Variants in ATP11C observed in about 807,000 individuals in gnomAD.
ATP11C encodes phospholipid-transporting ATPase IG.
Under a neutral mutation model 97.4 loss-of-function variants are expected in ATP11C, and 36 were observed. That is an observed-to-expected ratio of 0.37 (90% CI 0.28 to 0.49). ATP11C has a LOEUF of 0.49. ATP11C is among the 20% of genes least tolerant of loss of function. The pLI is 0.98. For missense variants in ATP11C, 730 were observed against 824.6 expected, an observed-to-expected ratio of 0.89 and a Z score of 1.40; for synonymous variants, 275 against 290.9, an observed-to-expected ratio of 0.95 and a Z score of 0.56.
At chrX:139,744,990 C>T (rs2081649287) in intron 25 of ATP11C, among the ~76,000 whole-genome samples, 1 of 110,591 alleles carries the variant, frequency 9.0e-6, no homozygotes, top group Admixed American at 9.6e-5. Flanking sequence ...CCTTAGCTTT[C>T]CTTCACATTA....
rs768123444 is a variant in ATP11C, at chrX:139,826,762, G to A, written c.89C>T (p.Ser30Leu). ...TTGTGCAATGTAAGCTTCTGTTTCC[G>A]AAACTGGATGATTGCCAACAAACAC... is the stretch of plus-strand genomic sequence containing the variant. Reference protein sequence around the residue: ...RTVFVGNHPVSETEAYIAQRF... With the variant: ...RTVFVGNHPVLETEAYIAQRF... The change falls in exon 2 of 30, where the codon TCG (serine) becomes TTG (leucine). Residue 30 changes from serine to leucine, a missense_variant. Ser to Leu is a moderately radical substitution (Grantham distance 145, BLOSUM62 -2). Transcript: ENST00000682941. The A allele has an allele frequency of 5.2e-5, 63 of 1,204,955 alleles. No homozygotes were observed. The highest frequency in any genetic ancestry group is 8.9e-5 in the East Asian group (3 of 33,610).
At chrX:139,926,047 G>A (rs2085346583) in intron 1 of ATP11C, among the ~76,000 whole-genome samples, 2 of 111,973 alleles carry the variant, frequency 1.8e-5, no homozygotes, top group Non-Finnish European at 3.8e-5. Flanking sequence ...CTGCAGCAGT[G>A]TTAACATATG....
intron 5 of ATP11C, among the ~76,000 whole-genome samples, chrX:139,806,141 C>T (rs1603378375): frequency 9.0e-6 from 1 of 111,362 alleles, no homozygotes; most frequent in Admixed American, 9.6e-5. Context: ...AATATAAAGG[C>T]CCCTATATCT....
intron 1 of ATP11C, among the ~76,000 whole-genome samples, chrX:139,906,566 G>A (rs142454677): frequency 0.026 from 2,882 of 110,254 alleles, 39 homozygotes; most frequent in Non-Finnish European, 0.034. Context: ...GGTAGATCAC[G>A]AGGTCAGGAG....
intron 1 of ATP11C, among the ~76,000 whole-genome samples, chrX:139,921,521 A>G (rs1344549717): frequency 8.9e-6 from 1 of 111,925 alleles, no homozygotes; most frequent in Non-Finnish European, 1.9e-5. Context: ...TAAATTACCC[A>G]ATCTCAGGCA....
rs201171038 is a variant in ATP11C, at chrX:139,731,716, C to T, written c.3328G>A (p.Ala1110Thr). Residue 1110 changes from alanine to threonine, a missense_variant, in exon 29 of 30, where the codon GCC becomes ACC. By Grantham distance (58) the Ala-to-Thr change is moderately conservative. Transcript: ENST00000682941. ...SCRRASDSLSARPSVRPLLLR... is the reference protein window; with the variant it reads ...SCRRASDSLSTRPSVRPLLLR... Reference sequence around the variant, plus strand: ...AGAAGAGGTCTGACTGAAGGTCTGGCGGATAATGAGTCAGATGCCCTTCTA... The same window carrying T: ...AGAAGAGGTCTGACTGAAGGTCTGGTGGATAATGAGTCAGATGCCCTTCTA... 7.5e-6 allele frequency: 9 copies of T among 1,193,175 alleles called. No homozygotes were observed. The highest frequency in any genetic ancestry group is 6.6e-5 in the Admixed American group (3 of 45,266).
chrX:139,853,400 A>AAG (rs893321932), intron 1 of ATP11C, among the ~76,000 whole-genome samples: 4 of 109,675 alleles, frequency 3.6e-5, no homozygotes, highest in Non-Finnish European at 5.7e-5. Context: ...AGAAGAGGCA[A>AAG]AGAGAGAGAG....
chrX:139,747,134 A>C (rs1419131529), intron 24 of ATP11C, among the ~76,000 whole-genome samples: 1 of 111,427 alleles, frequency 9.0e-6, no homozygotes, highest in Non-Finnish European at 1.9e-5. Context: ...TATAGCCAGT[A>C]AGTCATGTTT....
chrX:139,742,128 T>A (rs1395638272), intron 26 of ATP11C, among the ~76,000 whole-genome samples: 3 of 111,670 alleles, frequency 2.7e-5, no homozygotes, highest in African/African-American at 6.5e-5. Flanking sequence ...GGAAGCCCTG[T>A]GGCTATATGC....
Position 139,761,989 on chromosome X carries a change from G to A in ATP11C, c.2612C>T (p.Ala871Val). Residue 871 changes from alanine to valine, a missense_variant, in exon 22 of 30, where the codon GCA (alanine) becomes GTA (valine). Ala to Val is a moderately conservative substitution (Grantham distance 64). Coordinates refer to ENST00000682941, the MANE Select transcript of ATP11C (RefSeq NM_001353812.2). ...ATAGAAGAAGTACTGTACAAGGTGT[G>A]CTATTCTCACATAATATAGATGTCC... ...AHGHLYYVRI[A>V]HLVQYFFYKN... 1 of 1,198,664 alleles carries A rather than the reference G, an allele frequency of 8.3e-7. No individual in the cohort carries two copies. Among genetic ancestry groups the A allele is most frequent in the East Asian group, 3.0e-5 (1 of 33,750 alleles).
intron 1 of ATP11C, among the ~76,000 whole-genome samples, chrX:139,925,965 T>C (rs2085345342): frequency 8.9e-6 from 1 of 112,142 alleles, no homozygotes; most frequent in African/African-American, 3.2e-5. Flanking sequence ...ATTGAGGGGC[T>C]GTCTGCCAAT....
intron 20 of ATP11C, among the ~76,000 whole-genome samples, chrX:139,767,726 A>G (rs1478723405): frequency 8.9e-6 from 1 of 112,093 alleles, no homozygotes; most frequent in East Asian, 2.8e-4. Context: ...ACAGATAATT[A>G]GGGAGAAAAT....
At chrX:139,833,240 C>T (rs1420430972) in intron 1 of ATP11C, among the ~76,000 whole-genome samples, 3 of 112,124 alleles carry the variant, frequency 2.7e-5, no homozygotes, top group Non-Finnish European at 5.6e-5. Flanking sequence ...AAAAAGCAAA[C>T]TGGCTTAAAA....
chrX:139,802,377 A>C (rs1333925868), intron 6 of ATP11C, 38 bp from the exon 7 acceptor site: 1 of 977,755 alleles, frequency 1.0e-6, no homozygotes, highest in Non-Finnish European at 1.4e-6. Context: ...AACCAAAAAA[A>C]CTTTCTTTTC....
intron 23 of ATP11C, among the ~76,000 whole-genome samples, chrX:139,751,143 G>A (rs1569432380): frequency 1.8e-5 from 2 of 112,376 alleles, no homozygotes; most frequent in Non-Finnish European, 3.8e-5. Flanking sequence ...CTTGAATGGT[G>A]CATTAGTTAG....
chrX:139,861,078 T>C (rs1027404648), intron 1 of ATP11C, among the ~76,000 whole-genome samples: 9 of 111,954 alleles, frequency 8.0e-5, no homozygotes, highest in African/African-American at 2.9e-4. Flanking sequence ...GAGAAATACA[T>C]CTAATGAGAC....
chrX:139,818,449 G>T (rs1473080811), intron 3 of ATP11C, among the ~76,000 whole-genome samples: 1 of 111,853 alleles, frequency 8.9e-6, no homozygotes, highest in Admixed American at 9.5e-5. Flanking sequence ...CAAGTAGAAT[G>T]ATTCTTTCAA....
At position 139,906,731 on chromosome X, in the gene ATP11C, G is replaced by C. The variant is rs775406464; in HGVS notation, c.27+25285C>G. 4.6e-3 allele frequency among the ~76,000 whole-genome samples: 503 copies of C among 108,812 alleles called. 3 individuals are homozygous for C. Among genetic ancestry groups the C allele is most frequent in the Non-Finnish European group, 6.2e-3 (326 of 52,388 alleles). 94.5% of individuals were successfully genotyped at this position (108,812 alleles called of 115,157 possible). ...CGGGGAGCAGAGGTTGCAGTGAGCC[G>C]AGATCATACCACTGCACTCCAGCCT... On this transcript the variant is annotated intron_variant, in intron 1 of 29. Transcript: ENST00000682941.
At position 139,743,193 on chromosome X, in the gene ATP11C, T is replaced by A. The variant is rs750096016; in HGVS notation, c.3030+366A>T. Among the ~76,000 whole-genome samples the A allele has an allele frequency of 1.2e-4, 13 of 104,668 alleles. No individual in the cohort carries two copies. In the South Asian group the frequency reaches 4.5e-3, roughly 36 times the overall value. 90.9% of individuals were successfully genotyped at this position (104,668 alleles called of 115,157 possible). On this transcript the variant is annotated intron_variant, in intron 26 of 29. Transcript: ENST00000682941. ...AACATAATCACACACACACACACAC[T>A]CTCTCTCTCTCTCTCGCTCTCTCTC... is the stretch of plus-strand genomic sequence containing the variant.
Sources: gnomAD v4.1 joint callset for allele counts (sites outside exome capture counted in the v4.1 genomes callset) on GRCh38, gnomAD v4.1.1 for gene constraint, MANE v1.5 for transcripts, NCBI Gene and HGNC (gene_info 2026-07-23, HGNC 2026-07-21) for gene names.